Variants in FAM117A observed in about 807,000 individuals in gnomAD.
FAM117A encodes the protein protein FAM117A.
Under a neutral mutation model 44.1 loss-of-function variants are expected in FAM117A, and 21 were observed. The ratio of observed to expected loss-of-function variants is 0.48; its 90% confidence interval spans 0.34 to 0.69. The LOEUF is 0.69. FAM117A is among the 30% of genes least tolerant of loss of function. The pLI, the probability that FAM117A is intolerant of heterozygous loss-of-function variation, is 0.01. For synonymous variants in FAM117A, 220 were observed against 238.3 expected (o/e 0.92, Z 0.71); for missense variants, 498 against 589.9 (o/e 0.84, Z 1.61).
intron 1 of FAM117A, among the ~76,000 whole-genome samples, chr17:49,752,782 C>T (rs1319912234): frequency 6.6e-6 from 1 of 152,180 alleles, no homozygotes; most frequent in African/African-American, 2.4e-5. Flanking sequence ...CAACTACTCA[C>T]ACCAAGTGAG....
chr17:49,777,326 G>C (rs1224381409), intron 1 of FAM117A, among the ~76,000 whole-genome samples: 2 of 152,194 alleles, frequency 1.3e-5, no homozygotes, highest in Non-Finnish European at 2.9e-5. Context: ...TGAGGCACCA[G>C]TGCACCACTG....
In FAM117A at chr17:49,724,855, GA is replaced by G. The variant is rs1211964009; in HGVS notation, c.367-2262del. Among the ~76,000 whole-genome samples, 12 of 147,508 alleles carry G rather than the reference GA, an allele frequency of 8.1e-5. No individual in the cohort carries two copies. The East Asian group carries it at 1.6e-3, about 19-fold the overall frequency. On this transcript the variant is annotated intron_variant, in intron 2 of 7. Transcript: ENST00000240364. ...AAAAAAAAAAGAAAGAAAGAAAAAA[GA>G]AAAAAAAGAAAAGAAAAAGAAAGGG...
At chr17:49,733,335 CCT>C (rs2073594568) in intron 1 of FAM117A, among the ~76,000 whole-genome samples, 1 of 152,158 alleles carries the variant, frequency 6.6e-6, no homozygotes, top group Non-Finnish European at 1.5e-5. Context: ...TTGGTTCTCT[CCT>C]CTGTCTCTGA....
In FAM117A at chr17:49,754,594, G is replaced by T. The variant is rs180841852; in HGVS notation, c.196+9298C>A. The stretch of plus-strand genomic sequence containing the variant: ...GCTAGGATTACAGGCGTGAGCCACC[G>T]TGCCCGGCCAAGCACAGCAAACTCT... On this transcript the variant is annotated intron_variant, in intron 1 of 7. Transcript: ENST00000240364. Among the ~76,000 whole-genome samples, 426 of 152,010 alleles carry T rather than the reference G, an allele frequency of 2.8e-3. 2 individuals are homozygous for T. Among genetic ancestry groups the T allele is most frequent in the Non-Finnish European group, 4.0e-3 (274 of 67,974 alleles).
At chr17:49,721,145 C>T (rs1215604611) in intron 3 of FAM117A, among the ~76,000 whole-genome samples, 1 of 152,194 alleles carries the variant, frequency 6.6e-6, no homozygotes, top group African/African-American at 2.4e-5. Context: ...AAGTAGACTA[C>T]ACTAGGAACA....
intron 2 of FAM117A, among the ~76,000 whole-genome samples, chr17:49,729,599 G>T (rs536002104): frequency 6.6e-6 from 1 of 150,924 alleles, no homozygotes. Flanking sequence ...CTCTGCCTCC[G>T]GGTTCAAGCG....
chr17:49,761,375 CCAA>C (rs1412274063), intron 1 of FAM117A, among the ~76,000 whole-genome samples: 1 of 152,226 alleles, frequency 6.6e-6, no homozygotes, highest in African/African-American at 2.4e-5. Context: ...TGGGCTCTGG[CCAA>C]CAGTGCTCTC....
intron 6 of FAM117A, 51 bp from the exon 7 acceptor site, chr17:49,716,366 C>T: frequency 6.8e-7 from 1 of 1,473,000 alleles, no homozygotes; most frequent in Non-Finnish European, 9.0e-7. Context: ...AAGGCCTCCA[C>T]TTTTCTGGGT....
rs545241272 is a variant in FAM117A, at chr17:49,712,507, ATTG to A, written c.1062-955_1062-953del. Among the ~76,000 whole-genome samples the A allele has an allele frequency of 3.7e-4, 56 of 152,108 alleles. 1 individual carries two copies. Among genetic ancestry groups the A allele is most frequent in the African/African-American group, 1.2e-3 (50 of 41,500 alleles). On this transcript the variant is annotated intron_variant, in intron 7 of 7. Coordinates refer to ENST00000240364, the MANE Select transcript of FAM117A (RefSeq NM_030802.4). ...ACATTTGAAAGGTATGGGGTTGTTT[ATTG>A]TTGTTGTTTTGTTTTTGAGACAGAG... is the stretch of plus-strand genomic sequence containing the variant.
chr17:49,776,749 C>T (rs2073776536), intron 1 of FAM117A, among the ~76,000 whole-genome samples: 3 of 151,996 alleles, frequency 2.0e-5, no homozygotes, highest in Admixed American at 2.0e-4. Context: ...AGAAAGCCTG[C>T]CAAAGCTAGG....
At chr17:49,736,022 C>T (rs957267950) in intron 1 of FAM117A, among the ~76,000 whole-genome samples, 1 of 152,150 alleles carries the variant, frequency 6.6e-6, no homozygotes, top group South Asian at 2.1e-4. Context: ...ACTCTCAACA[C>T]CCAGAGATAA....
chr17:49,722,715 C>T, intron 2 of FAM117A, 121 bp from the exon 3 acceptor site: 1 of 722,524 alleles, frequency 1.4e-6, no homozygotes, highest in Non-Finnish European at 2.4e-6. Context: ...TCATCAACCT[C>T]TGAACACTCC....
chr17:49,742,989 A>C (rs1370727374), intron 1 of FAM117A, among the ~76,000 whole-genome samples: 1 of 152,208 alleles, frequency 6.6e-6, no homozygotes, highest in Non-Finnish European at 1.5e-5. Context: ...TGAGCTTCCA[A>C]GGTGATGCAG....
intron 7 of FAM117A, among the ~76,000 whole-genome samples, chr17:49,715,123 T>G (rs1259608280): frequency 1.3e-5 from 2 of 151,962 alleles, no homozygotes; most frequent in African/African-American, 4.8e-5. Flanking sequence ...GGTACAAGAG[T>G]CTAGAGCCTG....
intron 1 of FAM117A, among the ~76,000 whole-genome samples, chr17:49,744,666 T>G (rs1209744181): frequency 6.6e-6 from 1 of 151,794 alleles, no homozygotes; most frequent in Non-Finnish European, 1.5e-5. Context: ...TAATACCTAA[T>G]ATAATGTAAA....
At position 49,784,588 on chromosome 17, in the gene FAM117A, C is replaced by T. The variant is rs188625920; in HGVS notation, c.-621+3909G>A. Among the ~76,000 whole-genome samples, 63 of 152,296 alleles carry T rather than the reference C, an allele frequency of 4.1e-4. 1 individual carries two copies. The highest frequency in any genetic ancestry group is 2.1e-4 in the Non-Finnish European group (14 of 68,028). ...TCCTCCACACCTCTCTACTATTGCA[C>T]ATTCTGTTTTCTTTGCATGGAAAAC... On this transcript the variant is annotated intron_variant, in intron 1 of 7. Transcript: ENST00000513602.
chr17:49,772,680 A>T (rs1200872646), intron 1 of FAM117A, among the ~76,000 whole-genome samples: 1 of 151,430 alleles, frequency 6.6e-6, no homozygotes, highest in Non-Finnish European at 1.5e-5. Flanking sequence ...TGAACCTGGG[A>T]GGGAGAGGCT....
intron 1 of FAM117A, among the ~76,000 whole-genome samples, chr17:49,755,614 C>A (rs1598032307): frequency 6.6e-6 from 1 of 152,236 alleles, no homozygotes; most frequent in African/African-American, 2.4e-5. Context: ...ACAGGCCTAG[C>A]AATGACATCT....
chr17:49,717,351 C>T (rs1397707449), intron 6 of FAM117A, among the ~76,000 whole-genome samples, 162 bp downstream of exon 6: 1 of 152,196 alleles, frequency 6.6e-6, no homozygotes, highest in Non-Finnish European at 1.5e-5. Context: ...TGTATGGGAC[C>T]ATTATTATCA....
Sources: allele counts gnomAD v4.1 joint callset (sites outside exome capture counted in the v4.1 genomes callset), GRCh38; gene constraint gnomAD v4.1.1; transcripts MANE v1.5; gene names NCBI Gene and HGNC (gene_info 2026-07-23, HGNC 2026-07-21).